GALNT13: variants seen among roughly 807,000 people sequenced by gnomAD.
GALNT13 encodes the protein UDP-GalNAc:polypeptide N-acetylgalactosaminyltransferase 13.
Under a neutral mutation model 64.2 loss-of-function variants are expected in GALNT13, and 28 were observed. That is an observed-to-expected ratio of 0.44 (90% CI 0.32 to 0.60). The LOEUF is 0.60. Ranked by LOEUF, GALNT13 falls within the 20% of genes least tolerant of loss-of-function variation. The pLI is 0.05. For synonymous variants in GALNT13, 214 were observed against 224.6 expected, an observed-to-expected ratio of 0.95 and a Z score of 0.42; for missense variants, 577 against 669.8, an observed-to-expected ratio of 0.86 and a Z score of 1.53.
chr2:153,687,492 C>T, the GALNT13 span, among the ~76,000 whole-genome samples: 1 of 151,894 alleles, frequency 6.6e-6, no homozygotes, highest in African/African-American at 2.4e-5. Context: ...GTGGTAATAT[C>T]CTCCTTGTCA....
the GALNT13 span, among the ~76,000 whole-genome samples, chr2:153,260,239 A>G: frequency 6.6e-6 from 1 of 152,316 alleles, no homozygotes; most frequent in Admixed American, 6.5e-5. Context: ...TGAGTAGTTT[A>G]CACAGCACAG....
the GALNT13 span, among the ~76,000 whole-genome samples, chr2:153,727,330 T>C: frequency 6.6e-6 from 1 of 152,194 alleles, no homozygotes; most frequent in South Asian, 2.1e-4. Flanking sequence ...TGTACATCAT[T>C]CATTCTCATT....
the GALNT13 span, among the ~76,000 whole-genome samples, chr2:153,115,115 G>A: frequency 2.6e-5 from 4 of 151,916 alleles, no homozygotes; most frequent in Non-Finnish European, 5.9e-5. Flanking sequence ...AGATAATCAT[G>A]ACTGTCCAGG....
the GALNT13 span, among the ~76,000 whole-genome samples, chr2:153,090,002 T>C: frequency 6.6e-5 from 10 of 152,286 alleles, no homozygotes; most frequent in Non-Finnish European, 1.0e-4. Context: ...GGGGGTGTTA[T>C]AGGACCCTCT....
intron 1 of GALNT13, among the ~76,000 whole-genome samples, chr2:153,879,242 A>C (rs758913344): frequency 1.7e-4 from 26 of 152,298 alleles, no homozygotes; most frequent in Non-Finnish European, 3.1e-4. Context: ...TAGTATTCTT[A>C]TTTTAGAGAC....
At chr2:154,135,065 A>AT (rs1396065597) in intron 3 of GALNT13, among the ~76,000 whole-genome samples, 1 of 152,176 alleles carries the variant, frequency 6.6e-6, no homozygotes, top group African/African-American at 2.4e-5. Context: ...GAATGGTCCT[A>AT]TTTTAAATAC....
intron 3 of GALNT13, among the ~76,000 whole-genome samples, chr2:154,120,178 C>T (rs1258519888): frequency 2.6e-5 from 4 of 152,158 alleles, no homozygotes; most frequent in Admixed American, 1.3e-4. Flanking sequence ...AGCTTGCTGT[C>T]GGTTTTCCAG....
At chr2:153,659,757 A>C in the GALNT13 span, among the ~76,000 whole-genome samples, 1 of 152,108 alleles carries the variant, frequency 6.6e-6, no homozygotes, top group Admixed American at 6.6e-5. Context: ...CGCACTGCCT[A>C]TAAGTTAGCC....
chr2:153,799,104 A>G, the GALNT13 span, among the ~76,000 whole-genome samples: 1 of 152,152 alleles, frequency 6.6e-6, no homozygotes. Flanking sequence ...GTCCATATGA[A>G]GAAAAAGTGG....
chr2:154,386,850 G>C (rs896417796), intron 9 of GALNT13, among the ~76,000 whole-genome samples: 5 of 152,004 alleles, frequency 3.3e-5, no homozygotes, highest in African/African-American at 1.2e-4. Flanking sequence ...TTGTCACACT[G>C]ATCTGAAGTT....
At chr2:153,627,619 T>G in the GALNT13 span, among the ~76,000 whole-genome samples, 1 of 152,114 alleles carries the variant, frequency 6.6e-6, no homozygotes, top group Non-Finnish European at 1.5e-5. Flanking sequence ...GTTTTTACCA[T>G]TGAAAGTAAT....
chr2:154,092,895 A>G (rs1701889068), intron 3 of GALNT13, among the ~76,000 whole-genome samples: 1 of 152,072 alleles, frequency 6.6e-6, no homozygotes, highest in Non-Finnish European at 1.5e-5. Context: ...GATTTCATGC[A>G]GAGAAAAATG....
chr2:153,493,931 A>T, the GALNT13 span, among the ~76,000 whole-genome samples: 6 of 152,132 alleles, frequency 3.9e-5, no homozygotes, highest in South Asian at 2.1e-4. Context: ...AAAATGAGGT[A>T]TAATTGGCTT....
intron 3 of GALNT13, among the ~76,000 whole-genome samples, chr2:154,113,499 G>T (rs1310340772): frequency 1.3e-5 from 2 of 152,104 alleles, no homozygotes; most frequent in African/African-American, 4.8e-5. Context: ...TTGTAGGAGG[G>T]GCCAAATGCA....
Position 153,959,940 on chromosome 2 carries a change from G to A in GALNT13, c.142+15301G>A, listed in dbSNP as rs143111917. 3.5e-3 allele frequency among the ~76,000 whole-genome samples: 532 copies of A among 152,258 alleles called. 6 individuals are homozygous for A. The highest frequency in any genetic ancestry group is 0.016 in the East Asian group (82 of 5,166). On this transcript the variant is annotated intron_variant, in intron 3 of 12. Transcript: ENST00000392825. ...ACACAAAGCAGACAGCCTCACAGCC[G>A]TCTCACCGATGGGCTCAGCTGCCAC...
intron 4 of GALNT13, among the ~76,000 whole-genome samples, chr2:154,209,567 C>T (rs1687654281): frequency 6.6e-6 from 1 of 152,140 alleles, no homozygotes; most frequent in Non-Finnish European, 1.5e-5. Flanking sequence ...CTCCACCTAT[C>T]ATTTACATAA....
intron 3 of GALNT13, among the ~76,000 whole-genome samples, chr2:154,021,043 C>A (rs1462180604): frequency 6.6e-6 from 1 of 152,194 alleles, no homozygotes; most frequent in East Asian, 1.9e-4. Flanking sequence ...CGCCTCTGTT[C>A]TGCTCCATTG....
chr2:154,035,384 T>A (rs2105315753), intron 3 of GALNT13, among the ~76,000 whole-genome samples: 1 of 152,196 alleles, frequency 6.6e-6, no homozygotes, highest in South Asian at 2.1e-4. Context: ...TAGTATCATA[T>A]AGAACTTTAA....
the GALNT13 span, among the ~76,000 whole-genome samples, chr2:153,396,156 G>A: frequency 1.3e-5 from 2 of 152,196 alleles, no homozygotes; most frequent in African/African-American, 4.8e-5. Flanking sequence ...CTAAAGCAAT[G>A]ACAGTGGGAC....
Sources: allele counts gnomAD v4.1 joint callset (sites outside exome capture counted in the v4.1 genomes callset), GRCh38; gene constraint gnomAD v4.1.1; transcripts MANE v1.5; gene names NCBI Gene and HGNC (gene_info 2026-07-23, HGNC 2026-07-21).